Variants in CSNK1D observed in about 807,000 individuals in gnomAD.
The protein encoded by CSNK1D is casein kinase 1 delta.
A neutral mutation model predicts 46.6 loss-of-function variants in CSNK1D; 16 were observed. That is an observed-to-expected ratio of 0.34 (90% CI 0.23 to 0.52). The LOEUF is 0.52. Ranked by LOEUF, CSNK1D falls within the 20% of genes least tolerant of loss-of-function variation. The pLI, the probability that CSNK1D is intolerant of heterozygous loss-of-function variation, is 0.95. For synonymous variants in CSNK1D, 276 were observed against 228.2 expected (o/e 1.21, Z -1.89); for missense variants, 398 against 578.4 (o/e 0.69, Z 3.20).
Position 82,255,528 on chromosome 17 carries a change from G to A in CSNK1D, c.237C>T (p.Val79=), listed in dbSNP as rs751850801. The A allele has an allele frequency of 8.7e-6, 14 of 1,614,158 alleles. No homozygotes were observed. Among genetic ancestry groups the A allele is most frequent in the Admixed American group, 1.7e-5 (1 of 60,016 alleles). The change falls in exon 3 of 9, where the codon GTC becomes GTT. Residue 79 remains valine, a synonymous_variant. Coordinates refer to ENST00000314028, the MANE Select transcript of CSNK1D (RefSeq NM_001893.6). This position sits in a 1 kb window ranked among gnomAD's most constrained non-coding sequence, Gnocchi z 5.9. ...RWCGAEGDYN[V]MVMELLGPSL... is the part of the protein sequence containing the mutation. ...TTGGCCCCAGCAGCTCCATCACCAT[G>A]ACGTTGTAGTCCCCCTCTGCCCCGC...
At chr17:82,268,146 C>T (rs780790219) in intron 1 of CSNK1D, among the ~76,000 whole-genome samples, 12 of 152,198 alleles carry the variant, frequency 7.9e-5, no homozygotes, top group Non-Finnish European at 1.3e-4. Context: ...AGGTCCTGTA[C>T]ACAGATGTGA....
Position 82,248,969 on chromosome 17 carries a change from T to C in CSNK1D, c.1103A>G (p.Lys368Arg). The C allele has an allele frequency of 6.3e-7, 1 of 1,585,408 alleles. No homozygotes were observed. The highest frequency in any genetic ancestry group is 8.6e-7 in the Non-Finnish European group (1 of 1,164,514). The change falls in exon 8 of 9, where the codon AAA becomes AGA. Residue 368 changes from lysine (K) to arginine (R), a missense_variant. Lys to Arg is a conservative substitution (Grantham distance 26, BLOSUM62 2). Coordinates refer to ENST00000314028, the MANE Select transcript of CSNK1D (RefSeq NM_001893.6). The surrounding 1 kb of genome is among the most constrained non-coding windows in gnomAD (Gnocchi z 4.1). ...CCCGCGGTGCAGCCGCATACTCACT[T>C]TCCGCTCTCTCTCCATGCCGGAGAC... ...RPVSGMERERKVSMRLHRGAP... is the reference protein window; with the variant it reads ...RPVSGMERERRVSMRLHRGAP...
rs1001766429 is a variant in CSNK1D at position 82,273,209 on chromosome 17, C to T, written c.76+97G>A. The T allele has an allele frequency of 7.9e-7, 1 of 1,271,032 alleles. No homozygotes were observed. The highest frequency in any genetic ancestry group is 1.1e-6 in the Non-Finnish European group (1 of 913,296). The allele number at this position is 1,271,032 out of a possible 1,614,324, so 78.7% of individuals were successfully genotyped here. ...GCGGTGCCGGGACTTGCGCGGAGAC[C>T]CCGCGGGGGCCACCACTTCCTTCCG... On this transcript the variant is annotated intron_variant, in intron 1 of 8. Coordinates refer to ENST00000314028, the MANE Select transcript of CSNK1D (RefSeq NM_001893.6). The surrounding 1 kb of genome is among the most constrained non-coding windows in gnomAD (Gnocchi z 5.1).
rs900928787 is a variant in CSNK1D, at chr17:82,252,953, G to A, written c.565+63C>T. On this transcript the variant is annotated intron_variant, in intron 4 of 8. Transcript: ENST00000314028. This position sits in a 1 kb window ranked among gnomAD's most constrained non-coding sequence, Gnocchi z 4.6. Reference sequence around the variant, plus strand: ...CTCCCCGAGAGGCTGGCCTCTCCCTGGGCTGAGGCATGGACGCGCCCAAAG... The same window carrying A: ...CTCCCCGAGAGGCTGGCCTCTCCCTAGGCTGAGGCATGGACGCGCCCAAAG... The A allele has an allele frequency of 2.1e-6, 3 of 1,452,270 alleles. No individual in the cohort carries two copies. The South Asian group carries it at 3.5e-5, about 17-fold the overall frequency. 90.0% of individuals were successfully genotyped at this position (1,452,270 alleles called of 1,614,324 possible).
chr17:82,255,630 A>G lies in CSNK1D; in HGVS notation c.188-53T>C. 1 of 1,607,834 alleles carries G rather than the reference A, an allele frequency of 6.2e-7. No homozygotes were observed. The highest frequency in any genetic ancestry group is 8.5e-7 in the Non-Finnish European group (1 of 1,174,612). On this transcript the variant is annotated intron_variant, in intron 2 of 8. Transcript: ENST00000314028. This position sits in a 1 kb window ranked among gnomAD's most constrained non-coding sequence, Gnocchi z 5.9. ...TCAGTCCAGGCCCTGCCTCAGCTCC[A>G]CACTAAGTCTGCACTGTGCACACCA...
In CSNK1D at chr17:82,249,383, G is replaced by C. The variant is rs1211195030; in HGVS notation, c.1057+48C>G. On this transcript the variant is annotated intron_variant, in intron 7 of 8. Transcript: ENST00000314028. This position sits in a 1 kb window ranked among gnomAD's most constrained non-coding sequence, Gnocchi z 6.7. ...TGTCCCCACCAACCCCAAGACACAA[G>C]AAGTCACCCCAGAGCCAGCCCCAGA... 1.3e-6 allele frequency: 2 copies of C among 1,524,626 alleles called. No individual in the cohort carries two copies. Among genetic ancestry groups the C allele is most frequent in the East Asian group, 2.4e-5 (1 of 40,886 alleles). The allele number at this position is 1,524,626 out of a possible 1,614,324, so 94.4% of individuals were successfully genotyped here. A position where few individuals can be genotyped will look rare whatever the true frequency, so the allele number is the denominator to read the frequency against.
rs2051675811 is a variant in CSNK1D, at chr17:82,273,040, C to T, written c.76+266G>A. Reference sequence around the variant, plus strand: ...CCATGCCCCACCCCGGGTCAGCTCCCCTATCCCCTCCTTCCCCAACCCTCC... The same window carrying T: ...CCATGCCCCACCCCGGGTCAGCTCCTCTATCCCCTCCTTCCCCAACCCTCC... On this transcript the variant is annotated intron_variant, in intron 1 of 8. Coordinates refer to ENST00000314028, the MANE Select transcript of CSNK1D (RefSeq NM_001893.6). This position sits in a 1 kb window ranked among gnomAD's most constrained non-coding sequence, Gnocchi z 5.1. 1 of 450,442 alleles carries T rather than the reference C, an allele frequency of 2.2e-6. No homozygotes were observed. Among genetic ancestry groups the T allele is most frequent in the African/African-American group, 2.2e-5 (1 of 45,426 alleles). The allele number at this position is 450,442 out of a possible 1,614,324, so 27.9% of individuals were successfully genotyped here.
intron 1 of CSNK1D, among the ~76,000 whole-genome samples, chr17:82,272,511 G>A (rs1223752389): frequency 6.6e-6 from 1 of 152,206 alleles, no homozygotes; most frequent in Admixed American, 6.5e-5. Context: ...GACACCTCAT[G>A]AGTACAACTA....
intron 2 of CSNK1D, among the ~76,000 whole-genome samples, chr17:82,260,605 A>G (rs1460313413): frequency 2.8e-5 from 4 of 142,342 alleles, no homozygotes; most frequent in Non-Finnish European, 4.5e-5. Flanking sequence ...TGGTGTACTG[A>G]GTGACGTGAC....
chr17:82,248,597 A>C lies in CSNK1D; in HGVS notation c.1197+278T>G. ...GCTGCGGGCAGCGGGGCACTCAAAC[A>C]GCAGGAGAAAGCCCCCACGGTTTGC... On this transcript the variant is annotated intron_variant, in intron 8 of 8. Coordinates refer to ENST00000314028, the MANE Select transcript of CSNK1D (RefSeq NM_001893.6). This position sits in a 1 kb window ranked among gnomAD's most constrained non-coding sequence, Gnocchi z 4.1. 7.7e-7 allele frequency: 1 copy of C among 1,297,560 alleles called. No individual in the cohort carries two copies. Among genetic ancestry groups the C allele is most frequent in the South Asian group, 1.7e-5 (1 of 60,438 alleles). 80.4% of individuals were successfully genotyped at this position (1,297,560 alleles called of 1,614,324 possible).
chr17:82,243,018 G>A lies in CSNK1D; in HGVS notation c.*1763C>T, dbSNP rs2147146569. On this transcript the variant is annotated 3_prime_UTR_variant, in exon 9 of 9. Transcript: ENST00000314028. The stretch of plus-strand genomic sequence containing the variant: ...GGGGGACGTCTACCTTCAAGAAGGG[G>A]TCCAGCAACAAAGAAAATCTCTTAA... The A allele has an allele frequency of 2.0e-6, 2 of 985,454 alleles. No individual in the cohort carries two copies. The highest frequency in any genetic ancestry group is 4.7e-5 in the South Asian group (1 of 21,290). The allele number at this position is 985,454 out of a possible 1,614,324, so 61.0% of individuals were successfully genotyped here.
At chr17:82,267,901 C>T (rs1472916405) in intron 1 of CSNK1D, among the ~76,000 whole-genome samples, 2 of 152,272 alleles carry the variant, frequency 1.3e-5, no homozygotes, top group African/African-American at 4.8e-5. Flanking sequence ...GCATCTCTCA[C>T]TCCACTTCTC....
At chr17:82,239,755 T>G, downstream of CSNK1D, 1 of 391,892 alleles carries the variant, frequency 2.6e-6, no homozygotes, top group Non-Finnish European at 4.5e-6. Flanking sequence ...TATTCACTGC[T>G]GTGTTTAAGA....
Position 82,248,150 on chromosome 17 carries a change from ACTAAC to A in CSNK1D, c.1197+720_1197+724del. 1 of 985,566 alleles carries A rather than the reference ACTAAC, an allele frequency of 1.0e-6. No individual in the cohort carries two copies. Among genetic ancestry groups the A allele is most frequent in the African/African-American group, 1.7e-5 (1 of 57,370 alleles). 61.1% of individuals were successfully genotyped at this position (985,566 alleles called of 1,614,324 possible). ...CCTGCTGGTGAAACAGCCCTGCCCC[ACTAAC>A]CCTGCCCCTGTTGGCGAACAACCCA... On this transcript the variant is annotated intron_variant, in intron 8 of 8. Coordinates refer to ENST00000314028, the MANE Select transcript of CSNK1D (RefSeq NM_001893.6). The surrounding 1 kb of genome is among the most constrained non-coding windows in gnomAD (Gnocchi z 4.1).
intron 1 of CSNK1D, among the ~76,000 whole-genome samples, chr17:82,267,962 C>T (rs1376486060): frequency 6.6e-6 from 1 of 152,266 alleles, no homozygotes; most frequent in Non-Finnish European, 1.5e-5. Context: ...CACTGACTGT[C>T]GTGGGGCAAA....
chr17:82,266,639 C>G lies in CSNK1D; in HGVS notation c.77-843G>C, dbSNP rs140171511. On this transcript the variant is annotated intron_variant, in intron 1 of 8. Coordinates refer to ENST00000314028, the MANE Select transcript of CSNK1D (RefSeq NM_001893.6). Reference sequence around the variant, plus strand: ...AATGCTCCTGAGTTTGAATCTGGCCCAAAGCCTTCCCCAAATCCACTGCAT... The same window carrying G: ...AATGCTCCTGAGTTTGAATCTGGCCGAAAGCCTTCCCCAAATCCACTGCAT... 5 of 153,060 alleles carry G rather than the reference C, an allele frequency of 3.3e-5. No homozygotes were observed. The East Asian group carries it at 9.6e-4, about 29-fold the overall frequency. The allele number at this position is 153,060 out of a possible 1,614,324, so 9.5% of individuals were successfully genotyped here.
intron 8 of CSNK1D, chr17:82,245,454 G>A: frequency 4.7e-6 from 1 of 212,748 alleles, no homozygotes; most frequent in South Asian, 6.8e-5. Context: ...ACAAAACAAG[G>A]ACAGAGATAA....
intron 1 of CSNK1D, among the ~76,000 whole-genome samples, chr17:82,266,137 G>A (rs2051462153): frequency 6.6e-6 from 1 of 152,076 alleles, no homozygotes; most frequent in South Asian, 2.1e-4. Flanking sequence ...GCACTTGCCC[G>A]CCCCAGACAG....
intron 3 of CSNK1D, chr17:82,253,514 C>A: frequency 2.1e-6 from 1 of 470,984 alleles, no homozygotes; most frequent in Admixed American, 3.0e-5. Flanking sequence ...AGGGGACAAC[C>A]CGCCACTAGA....
Sources: gnomAD v4.1 joint callset for allele counts (sites outside exome capture counted in the v4.1 genomes callset) on GRCh38, gnomAD v4.1.1 for gene constraint, Gnocchi (gnomAD v3.1) non-coding constraint, MANE v1.5 for transcripts, NCBI Gene and HGNC (gene_info 2026-07-23, HGNC 2026-07-21) for gene names.